Variants in KIRREL3 observed in about 807,000 individuals in gnomAD.
The protein encoded by KIRREL3 is kirre like nephrin family adhesion molecule 3.
KIRREL3 carries 36 observed loss-of-function variants against 89.7 expected under a neutral mutation model. That is an observed-to-expected ratio of 0.40 (90% CI 0.31 to 0.53). KIRREL3 has a LOEUF of 0.53. Among genes scored for constraint, KIRREL3 ranks in the 20% least tolerant of loss-of-function variants. The pLI, the probability that KIRREL3 is intolerant of heterozygous loss-of-function variation, is 0.49. For missense variants in KIRREL3, 864 were observed against 1,056.6 expected (o/e 0.82, Z 2.53); for synonymous variants, 445 against 441.4 (o/e 1.01, Z -0.10).
chr11:126,942,894 C>T (rs1948501362), intron 1 of KIRREL3, among the ~76,000 whole-genome samples: 1 of 152,172 alleles, frequency 6.6e-6, no homozygotes, highest in African/African-American at 2.4e-5. Context: ...TTTGTAAACT[C>T]CTCTACAGCC....
Position 126,791,099 on chromosome 11 carries a change from G to A in KIRREL3, c.55+209356C>T, listed in dbSNP as rs192262544. Among the ~76,000 whole-genome samples, 35 of 152,260 alleles carry A rather than the reference G, an allele frequency of 2.3e-4. No individual in the cohort carries two copies. The highest frequency in any genetic ancestry group is 5.1e-4 in the African/African-American group (21 of 41,552). On this transcript the variant is annotated intron_variant, in intron 1 of 16. Transcript: ENST00000525144. This position sits in a 1 kb window ranked among gnomAD's most constrained non-coding sequence, Gnocchi z 4.8. ...ATCCTTGAAATGGTCTTTTTCTACC[G>A]TTAGGACAGGAAGGAAAAACCATCT...
In KIRREL3 at chr11:126,931,115, A is replaced by G. The variant is rs146056088; in HGVS notation, c.55+69340T>C. Among the ~76,000 whole-genome samples the G allele has an allele frequency of 3.3e-4, 51 of 152,284 alleles. No homozygotes were observed. Among genetic ancestry groups the G allele is most frequent in the African/African-American group, 1.2e-3 (50 of 41,580 alleles). On this transcript the variant is annotated intron_variant, in intron 1 of 16. Transcript: ENST00000525144. This position sits in a 1 kb window ranked among gnomAD's most constrained non-coding sequence, Gnocchi z 5.1. ...TGAGTTCCCACAGGCCTCTATGCTC[A>G]TCTCAGCATGGAACTTATGTGCACT...
intron 2 of KIRREL3, among the ~76,000 whole-genome samples, chr11:126,538,552 T>C (rs1002626776): frequency 6.6e-6 from 1 of 152,180 alleles, no homozygotes; most frequent in African/African-American, 2.4e-5. Context: ...GGCCAGCATC[T>C]AACACAGGAG....
intron 1 of KIRREL3, among the ~76,000 whole-genome samples, chr11:126,939,636 G>A (rs1948352483): frequency 6.6e-6 from 1 of 152,108 alleles, no homozygotes. Flanking sequence ...GAACTAGGAG[G>A]ATCACACCGG....
At chr11:126,785,618 C>A (rs1242092820) in intron 1 of KIRREL3, among the ~76,000 whole-genome samples, 1 of 152,218 alleles carries the variant, frequency 6.6e-6, no homozygotes, top group Non-Finnish European at 1.5e-5. Context: ...TGGCTCATGC[C>A]TGTAATCCCA....
rs1009326500 is a variant in KIRREL3 at position 126,541,572 on chromosome 11, T to C, written c.134-14885A>G. Among the ~76,000 whole-genome samples, 4 of 152,240 alleles carry C rather than the reference T, an allele frequency of 2.6e-5. No individual in the cohort carries two copies. ...TAGCCTTGTCAGTCAGAGACGGTTCTAAAACTTCCATGTGCATGAGGATCA... is the reference window on the plus strand; with the variant it reads ...TAGCCTTGTCAGTCAGAGACGGTTCCAAAACTTCCATGTGCATGAGGATCA... On this transcript the variant is annotated intron_variant, in intron 2 of 16. Coordinates refer to ENST00000525144, the MANE Select transcript of KIRREL3 (RefSeq NM_032531.4). This position sits in a 1 kb window ranked among gnomAD's most constrained non-coding sequence, Gnocchi z 4.8.
rs1949599419 is a variant in KIRREL3 at position 126,759,296 on chromosome 11, A to G, written c.56-196384T>C. On this transcript the variant is annotated intron_variant, in intron 1 of 16. Transcript: ENST00000525144. ...AGGCACCCGCCACCATGCCTGGCTA[A>G]TCTTTGTATTTTTAGTTGAGATAGG... 2.0e-5 allele frequency among the ~76,000 whole-genome samples: 3 copies of G among 152,092 alleles called. No individual in the cohort carries two copies. In the South Asian group the frequency reaches 6.2e-4, roughly 32 times the overall value.
Position 126,769,089 on chromosome 11 carries a change from C to G in KIRREL3, c.56-206177G>C, listed in dbSNP as rs777223594. On this transcript the variant is annotated intron_variant, in intron 1 of 16. Transcript: ENST00000525144. This position sits in a 1 kb window ranked among gnomAD's most constrained non-coding sequence, Gnocchi z 4.3. ...CATCTTGTTTACCTGTCAGACTCCT[C>G]GGGGCCTTTGAGCTCTAAGTCAGGT... 2.0e-5 allele frequency among the ~76,000 whole-genome samples: 3 copies of G among 152,170 alleles called. No individual in the cohort carries two copies. Among genetic ancestry groups the G allele is most frequent in the Non-Finnish European group, 2.9e-5 (2 of 68,030 alleles).
At chr11:126,600,928 A>G (rs913027236) in intron 1 of KIRREL3, among the ~76,000 whole-genome samples, 3 of 152,086 alleles carry the variant, frequency 2.0e-5, no homozygotes, top group African/African-American at 7.2e-5. Context: ...AGAGCATTCT[A>G]TTTTAGTTAT....
intron 1 of KIRREL3, among the ~76,000 whole-genome samples, chr11:126,847,484 T>A (rs77995174): frequency 1.3e-5 from 2 of 152,114 alleles, no homozygotes; most frequent in African/African-American, 4.8e-5. Context: ...ATAATCAATA[T>A]AGGACCTTAA....
At position 126,523,743 on chromosome 11, in the gene KIRREL3, G is replaced by GGCTA. The variant is rs1462774989; in HGVS notation, c.284-2283_284-2280dup. On this transcript the variant is annotated intron_variant, in intron 3 of 16. Transcript: ENST00000525144. The surrounding 1 kb of genome is among the most constrained non-coding windows in gnomAD (Gnocchi z 4.9). ...GCCGCTGCCTTCCTTGTAGCTGGCT[G>GGCTA]GCTACCCCCAGCCCCTCCAGCCCAG... 2.6e-5 allele frequency among the ~76,000 whole-genome samples: 4 copies of GGCTA among 152,118 alleles called. No individual in the cohort carries two copies. Among genetic ancestry groups the GGCTA allele is most frequent in the African/African-American group, 9.7e-5 (4 of 41,434 alleles).
Position 126,940,380 on chromosome 11 carries a change from T to C in KIRREL3, c.55+60075A>G, listed in dbSNP as rs563554810. 2.7e-4 allele frequency: 39 copies of C among 143,934 alleles called. No individual in the cohort carries two copies. In the Middle Eastern group the frequency reaches 0.011, roughly 39 times the overall value. The allele number at this position is 143,934 out of a possible 1,614,324, so 8.9% of individuals were successfully genotyped here. A position where few individuals can be genotyped will look rare whatever the true frequency, so the allele number is the denominator to read the frequency against. ...TATAATTACGCCAGTAGATTTACTT[T>C]TGCTATGCCGCCCTAGATTATGAAA... On this transcript the variant is annotated intron_variant, in intron 1 of 16. Transcript: ENST00000525144. This position sits in a 1 kb window ranked among gnomAD's most constrained non-coding sequence, Gnocchi z 4.6.
rs1955048824 is a variant in KIRREL3 at position 126,429,374 on chromosome 11, C to A, written c.1697-86G>T. On this transcript the variant is annotated intron_variant, in intron 14 of 16. Transcript: ENST00000525144. The surrounding 1 kb of genome is among the most constrained non-coding windows in gnomAD (Gnocchi z 5.2). ...CTCCCTTGCAGTCCCCTGCCCCTGC[C>A]CTGCCACCCTCTGCATTTCCCCTCC... The A allele has an allele frequency of 4.5e-6, 4 of 889,814 alleles. No individual in the cohort carries two copies. The Admixed American group carries it at 7.9e-5, about 18-fold the overall frequency. The allele number at this position is 889,814 out of a possible 1,614,324, so 55.1% of individuals were successfully genotyped here. A position where few individuals can be genotyped will look rare whatever the true frequency, so the allele number is the denominator to read the frequency against.
intron 1 of KIRREL3, among the ~76,000 whole-genome samples, chr11:126,941,544 T>C (rs1472942947): frequency 6.6e-6 from 1 of 152,216 alleles, no homozygotes; most frequent in Non-Finnish European, 1.5e-5. Flanking sequence ...TAAACTGACG[T>C]TGACATTCCG....
intron 4 of KIRREL3, among the ~76,000 whole-genome samples, chr11:126,517,838 G>A (rs1269349220): frequency 6.6e-6 from 1 of 152,194 alleles, no homozygotes; most frequent in South Asian, 2.1e-4. Context: ...TTGAGAAACA[G>A]GGCCACTGTC....
At chr11:126,914,243 C>G (rs1158042147) in intron 1 of KIRREL3, among the ~76,000 whole-genome samples, 5 of 152,178 alleles carry the variant, frequency 3.3e-5, no homozygotes, top group Non-Finnish European at 4.4e-5. Context: ...CCACAGCCCA[C>G]TTGTGACATG....
chr11:126,847,974 A>T lies in KIRREL3; in HGVS notation c.55+152481T>A, dbSNP rs545738670. On this transcript the variant is annotated intron_variant, in intron 1 of 16. Transcript: ENST00000525144. ...CTGACTGAAATGGTGTGCTTTCTTT[A>T]AGGAATCAAACTTATAGAGCCAATA... Among the ~76,000 whole-genome samples, 4 of 152,320 alleles carry T rather than the reference A, an allele frequency of 2.6e-5. No homozygotes were observed. In the East Asian group the frequency reaches 7.7e-4, roughly 29 times the overall value.
chr11:126,879,236 C>A lies in KIRREL3; in HGVS notation c.55+121219G>T, dbSNP rs1203712471. On this transcript the variant is annotated intron_variant, in intron 1 of 16. Transcript: ENST00000525144. The surrounding 1 kb of genome is among the most constrained non-coding windows in gnomAD (Gnocchi z 5.4). Reference sequence around the variant, plus strand: ...GCAGATGCTATATGCAGCTGTTATGCAAAGAAGCTCTTGCTCTCAGAGCTG... The same window carrying A: ...GCAGATGCTATATGCAGCTGTTATGAAAAGAAGCTCTTGCTCTCAGAGCTG... Among the ~76,000 whole-genome samples, 1 of 152,174 alleles carries A rather than the reference C, an allele frequency of 6.6e-6. No individual in the cohort carries two copies. Among genetic ancestry groups the A allele is most frequent in the Non-Finnish European group, 1.5e-5 (1 of 68,042 alleles).
At chr11:126,573,288 T>C (rs1941069678) in intron 1 of KIRREL3, among the ~76,000 whole-genome samples, 1 of 152,144 alleles carries the variant, frequency 6.6e-6, no homozygotes, top group Non-Finnish European at 1.5e-5. Context: ...GAGGGAGGGC[T>C]CTCCAGCTCT....
Sources: gnomAD v4.1 joint callset for allele counts (sites outside exome capture counted in the v4.1 genomes callset) on GRCh38, gnomAD v4.1.1 for gene constraint, Gnocchi (gnomAD v3.1) non-coding constraint, MANE v1.5 for transcripts, NCBI Gene and HGNC (gene_info 2026-07-23, HGNC 2026-07-21) for gene names.